TAFA4: variants seen among roughly 807,000 people sequenced by gnomAD.
TAFA4 encodes TAFA chemokine like family member 4.
A neutral mutation model predicts 21.1 loss-of-function variants in TAFA4; 20 were observed. That is an observed-to-expected ratio of 0.95 (90% CI 0.67 to 1.38). TAFA4 has a LOEUF of 1.38. Ranked by LOEUF, TAFA4 falls within the 40% of genes most tolerant of loss-of-function variation. TAFA4 has a pLI of 0.00. For synonymous variants in TAFA4, 71 were observed against 67.4 expected, an observed-to-expected ratio of 1.05 and a Z score of -0.26; for missense variants, 211 against 180.9, an observed-to-expected ratio of 1.17 and a Z score of -0.95.
chr3:68,786,395 G>A (rs999980859), intron 3 of TAFA4, among the ~76,000 whole-genome samples: 1 of 152,164 alleles, frequency 6.6e-6, no homozygotes, highest in Non-Finnish European at 1.5e-5. Flanking sequence ...GAGCCCAAGA[G>A]TTTGAGGCTG....
At chr3:68,871,722 A>G (rs2089485096) in intron 3 of TAFA4, among the ~76,000 whole-genome samples, 1 of 152,126 alleles carries the variant, frequency 6.6e-6, no homozygotes, top group African/African-American at 2.4e-5. Flanking sequence ...AAAACCATCC[A>G]GTTTTAAAAT....
In TAFA4 at chr3:68,875,761, AC is replaced by A. The variant is rs759459627; in HGVS notation, c.130+4968del. Reference sequence around the variant, plus strand: ...ATAAACACACACACACTGTCAAATTACTTTTGCCACTTCCCTCTCCCTAAAA... The same window carrying A: ...ATAAACACACACACACTGTCAAATTATTTTGCCACTTCCCTCTCCCTAAAA... On this transcript the variant is annotated intron_variant, in intron 3 of 5. Transcript: ENST00000295569. Among the ~76,000 whole-genome samples, 20 of 152,286 alleles carry A rather than the reference AC, an allele frequency of 1.3e-4. 1 individual carries two copies. Among genetic ancestry groups the A allele is most frequent in the East Asian group, 1.2e-3 (6 of 5,182 alleles).
chr3:68,741,902 A>G (rs1559755402), intron 4 of TAFA4, among the ~76,000 whole-genome samples: 2 of 152,204 alleles, frequency 1.3e-5, no homozygotes, highest in African/African-American at 4.8e-5. Context: ...CTTCATGCCA[A>G]AGCCAGATTA....
intron 2 of TAFA4, among the ~76,000 whole-genome samples, chr3:68,884,781 C>A (rs1453297551): frequency 2.0e-5 from 3 of 152,204 alleles, no homozygotes; most frequent in African/African-American, 7.2e-5. Flanking sequence ...CTTCTTCTTA[C>A]GTGGACAATT....
chr3:68,782,239 G>T (rs573539501), intron 3 of TAFA4, among the ~76,000 whole-genome samples: 2 of 152,276 alleles, frequency 1.3e-5, no homozygotes, highest in South Asian at 4.1e-4. Flanking sequence ...AGAAGCATAT[G>T]AAAAGATGCT....
At chr3:68,858,992 G>A (rs1036365138) in intron 3 of TAFA4, among the ~76,000 whole-genome samples, 11 of 151,850 alleles carry the variant, frequency 7.2e-5, no homozygotes, top group African/African-American at 2.4e-4. Context: ...TGCAAGAGTT[G>A]GGGTGGGGAG....
At chr3:68,872,182 A>C (rs1308327203) in intron 3 of TAFA4, among the ~76,000 whole-genome samples, 1 of 151,752 alleles carries the variant, frequency 6.6e-6, no homozygotes, top group Non-Finnish European at 1.5e-5. Flanking sequence ...GGATAAAGCA[A>C]ATGTGGTACA....
At chr3:68,735,902 A>G (rs1055570863) in intron 5 of TAFA4, among the ~76,000 whole-genome samples, 3 of 152,128 alleles carry the variant, frequency 2.0e-5, no homozygotes, top group Non-Finnish European at 1.5e-5. Flanking sequence ...GATGTTTAGT[A>G]GCATCCCTGG....
chr3:68,759,427 G>A (rs377328957), intron 3 of TAFA4, among the ~76,000 whole-genome samples: 1 of 152,138 alleles, frequency 6.6e-6, no homozygotes, highest in Non-Finnish European at 1.5e-5. Context: ...TGTAGGATGG[G>A]AGAAAAATGA....
intron 3 of TAFA4, among the ~76,000 whole-genome samples, chr3:68,774,005 C>G (rs1285035953): frequency 6.6e-6 from 1 of 152,154 alleles, no homozygotes; most frequent in Non-Finnish European, 1.5e-5. Context: ...GAGCGAGAGA[C>G]CAAACAGAAA....
At chr3:68,740,128 G>A (rs1702323303) in intron 4 of TAFA4, among the ~76,000 whole-genome samples, 1 of 152,150 alleles carries the variant, frequency 6.6e-6, no homozygotes, top group African/African-American at 2.4e-5. Context: ...CTTAGTGTCA[G>A]TTTCTTCATT....
chr3:68,897,737 A>T (rs759374743), intron 1 of TAFA4, among the ~76,000 whole-genome samples: 1 of 152,240 alleles, frequency 6.6e-6, no homozygotes, highest in Non-Finnish European at 1.5e-5. Context: ...GAATATATCA[A>T]CAAGACACCA....
intron 3 of TAFA4, among the ~76,000 whole-genome samples, chr3:68,817,105 G>T (rs1435156342): frequency 6.6e-6 from 1 of 152,112 alleles, no homozygotes; most frequent in Non-Finnish European, 1.5e-5. Context: ...CTTATCCACA[G>T]AACTTTCAAA....
At chr3:68,742,673 AC>A (rs1702380109) in intron 4 of TAFA4, among the ~76,000 whole-genome samples, 1 of 152,186 alleles carries the variant, frequency 6.6e-6, no homozygotes, top group Non-Finnish European at 1.5e-5. Flanking sequence ...CCACTAAAGA[AC>A]TTACCCATGT....
chr3:68,755,897 C>A (rs754857795), intron 3 of TAFA4, among the ~76,000 whole-genome samples: 1 of 152,206 alleles, frequency 6.6e-6, no homozygotes, highest in Admixed American at 6.5e-5. Flanking sequence ...GACAATGGCA[C>A]GCTCACTCAC....
intron 3 of TAFA4, among the ~76,000 whole-genome samples, chr3:68,866,646 A>T (rs1214805238): frequency 9.4e-6 from 1 of 106,944 alleles, no homozygotes; most frequent in Admixed American, 1.1e-4. Context: ...TCAAAATAGC[A>T]GTTCTAAAAA....
At chr3:68,764,726 T>C (rs931236243) in intron 3 of TAFA4, among the ~76,000 whole-genome samples, 1 of 152,176 alleles carries the variant, frequency 6.6e-6, no homozygotes, top group Non-Finnish European at 1.5e-5. Flanking sequence ...TGCCTAGTGC[T>C]TGTAAAGGTT....
chr3:68,918,860 C>A (rs548711699), intron 1 of TAFA4, among the ~76,000 whole-genome samples: 28 of 152,294 alleles, frequency 1.8e-4, no homozygotes, highest in African/African-American at 6.3e-4. Context: ...TGCTTTAAAA[C>A]CAGATTTTTA....
chr3:68,810,737 C>T (rs148021211), intron 3 of TAFA4, among the ~76,000 whole-genome samples: 1 of 152,344 alleles, frequency 6.6e-6, no homozygotes, highest in African/African-American at 2.4e-5. Flanking sequence ...GCAGACTCCA[C>T]CTCTGGGGGC....
Sources: gnomAD v4.1 joint callset for allele counts (sites outside exome capture counted in the v4.1 genomes callset) on GRCh38, gnomAD v4.1.1 for gene constraint, MANE v1.5 for transcripts, NCBI Gene and HGNC (gene_info 2026-07-23, HGNC 2026-07-21) for gene names.